RARB: variants seen among roughly 807,000 people sequenced by gnomAD.
The protein encoded by RARB is HBV-activated protein.
In RARB, 17 loss-of-function variants were observed where a neutral mutation model predicts 51.9. The observed-to-expected ratio is 0.33, with a 90% CI of 0.22 to 0.49. The LOEUF (loss-of-function observed/expected upper bound fraction) is 0.49. Among genes scored for constraint, RARB ranks in the 20% least tolerant of loss-of-function variants. The pLI is 0.99. For missense variants in RARB, 369 were observed against 550.8 expected, an observed-to-expected ratio of 0.67 and a Z score of 3.30; for synonymous variants, 215 against 195.4, an observed-to-expected ratio of 1.10 and a Z score of -0.84.
At chr3:25,532,302 G>T (rs777386628) in intron 3 of RARB, among the ~76,000 whole-genome samples, 1 of 152,104 alleles carries the variant, frequency 6.6e-6, no homozygotes. Flanking sequence ...CATTTATTCA[G>T]CAGTGCTTAA....
chr3:24,995,042 T>G (rs1379967111), intron 2 of RARB, among the ~76,000 whole-genome samples: 1 of 152,128 alleles, frequency 6.6e-6, no homozygotes, highest in East Asian at 1.9e-4. Flanking sequence ...ATTGATGTTT[T>G]AAGAGGGGTT....
chr3:25,250,689 T>C (rs1400203132), intron 5 of RARB, among the ~76,000 whole-genome samples: 2 of 152,136 alleles, frequency 1.3e-5, no homozygotes, highest in African/African-American at 4.8e-5. Context: ...CAGGGTAGGA[T>C]GCAGTCTGGT....
intron 2 of RARB, among the ~76,000 whole-genome samples, chr3:24,895,216 A>C (rs1006355948): frequency 6.6e-6 from 1 of 152,222 alleles, no homozygotes; most frequent in Non-Finnish European, 1.5e-5. Context: ...TGGATTGTCT[A>C]ATATCACACA....
chr3:25,209,975 T>C (rs1017247125), intron 5 of RARB, among the ~76,000 whole-genome samples: 1 of 152,204 alleles, frequency 6.6e-6, no homozygotes, highest in African/African-American at 2.4e-5. Flanking sequence ...ATAATCCCTC[T>C]TCTGACATAT....
intron 5 of RARB, among the ~76,000 whole-genome samples, chr3:25,338,633 C>T (rs1489774598): frequency 6.6e-6 from 1 of 152,182 alleles, no homozygotes; most frequent in Non-Finnish European, 1.5e-5. Flanking sequence ...AAACCAAACT[C>T]ATCTGCACAA....
intron 2 of RARB, among the ~76,000 whole-genome samples, chr3:25,032,522 A>T (rs1476269107): frequency 6.6e-6 from 1 of 152,194 alleles, no homozygotes; most frequent in East Asian, 1.9e-4. Context: ...AGAGATGAGA[A>T]CCTCAGGCAC....
intron 5 of RARB, among the ~76,000 whole-genome samples, chr3:25,249,294 A>T (rs1702645767): frequency 6.6e-6 from 1 of 151,904 alleles, no homozygotes; most frequent in Non-Finnish European, 1.5e-5. Context: ...CTTTATTATG[A>T]TATCTGTCTC....
At chr3:25,563,678 T>G (rs74393707) in intron 3 of RARB, among the ~76,000 whole-genome samples, 1 of 152,224 alleles carries the variant, frequency 6.6e-6, no homozygotes, top group South Asian at 2.1e-4. Flanking sequence ...TAGAAAATGA[T>G]TTTTTAACTA....
At chr3:25,277,248 G>A (rs2125414177) in intron 5 of RARB, among the ~76,000 whole-genome samples, 1 of 152,076 alleles carries the variant, frequency 6.6e-6, no homozygotes, top group Admixed American at 6.5e-5. Flanking sequence ...TAGGGGGAGG[G>A]CAGATAGGCC....
At position 25,004,935 on chromosome 3, in the gene RARB, C is replaced by T. The variant is rs117298654; in HGVS notation, c.-379-55190C>T. On this transcript the variant is annotated intron_variant, in intron 2 of 11. Coordinates refer to the RARB transcript ENST00000383772. ...GAATTCTAATTCTCCATTCCTGTTC[C>T]TTTCAGCAGCTTTTCCTGTTTAGCC... is the stretch of plus-strand genomic sequence containing the variant. Among the ~76,000 whole-genome samples, 96 of 152,220 alleles carry T rather than the reference C, an allele frequency of 6.3e-4. 2 individuals carry two copies. In the East Asian group the frequency reaches 0.019, roughly 29 times the overall value.
At chr3:25,035,975 G>A (rs1018279419) in intron 2 of RARB, among the ~76,000 whole-genome samples, 6 of 152,164 alleles carry the variant, frequency 3.9e-5, no homozygotes, top group Admixed American at 1.3e-4. Context: ...TCCTTCACGA[G>A]ACCCTTCATA....
At chr3:25,029,300 C>G (rs1212721721) in intron 2 of RARB, among the ~76,000 whole-genome samples, 1 of 152,188 alleles carries the variant, frequency 6.6e-6, no homozygotes, top group Non-Finnish European at 1.5e-5. Context: ...CTCGTAAAAT[C>G]ATAGGTCAGT....
In RARB at chr3:24,953,696, A is replaced by AT. The variant is rs1210204970; in HGVS notation, c.-380+94952dup. Among the ~76,000 whole-genome samples, 10 of 152,160 alleles carry AT rather than the reference A, an allele frequency of 6.6e-5. No individual in the cohort carries two copies. The South Asian group carries it at 1.0e-3, about 16-fold the overall frequency. On this transcript the variant is annotated intron_variant, in intron 2 of 11. Transcript: ENST00000383772. ...GGCCTTTGTGCCTAGGAAATTACAGATTTTTTTTCAAAAACAATTCTTCTG... is the reference window on the plus strand; with the variant it reads ...GGCCTTTGTGCCTAGGAAATTACAGATTTTTTTTTCAAAAACAATTCTTCTG...
intron 4 of RARB, among the ~76,000 whole-genome samples, chr3:25,149,848 A>T (rs1700253497): frequency 2.0e-5 from 3 of 152,200 alleles, no homozygotes; most frequent in African/African-American, 7.2e-5. Context: ...CCATCTATAC[A>T]CTTAATGAAA....
intron 5 of RARB, among the ~76,000 whole-genome samples, chr3:25,214,097 A>G (rs939494918): frequency 2.2e-4 from 34 of 152,212 alleles, no homozygotes; most frequent in African/African-American, 7.7e-4. Flanking sequence ...GCATAGATAG[A>G]TGGGAGTTTT....
chr3:25,512,794 T>C (rs1257841487), intron 3 of RARB, among the ~76,000 whole-genome samples: 12 of 152,152 alleles, frequency 7.9e-5, no homozygotes, highest in Admixed American at 7.9e-4. Flanking sequence ...ACTTTCAGAG[T>C]CAAACTGTTT....
At chr3:24,983,899 C>T (rs1696731542) in intron 2 of RARB, among the ~76,000 whole-genome samples, 1 of 151,780 alleles carries the variant, frequency 6.6e-6, no homozygotes, top group African/African-American at 2.4e-5. Flanking sequence ...AATACAATTA[C>T]AAAAAAGACA....
At chr3:24,979,469 T>G (rs1383935553) in intron 2 of RARB, among the ~76,000 whole-genome samples, 2 of 152,250 alleles carry the variant, frequency 1.3e-5, no homozygotes, top group East Asian at 3.8e-4. Context: ...TCTTGTTGGA[T>G]TGATCCCTTT....
intron 5 of RARB, among the ~76,000 whole-genome samples, chr3:25,245,438 G>T (rs184903234): frequency 6.6e-6 from 1 of 152,200 alleles, no homozygotes; most frequent in Non-Finnish European, 1.5e-5. Flanking sequence ...GCAGTGGCTG[G>T]TACCGGTTTT....
Sources: gnomAD v4.1 joint callset for allele counts (sites outside exome capture counted in the v4.1 genomes callset) on GRCh38, gnomAD v4.1.1 for gene constraint, MANE v1.5 for transcripts, NCBI Gene and HGNC (gene_info 2026-07-23, HGNC 2026-07-21) for gene names.